Variants in GREB1 observed in about 807,000 individuals in gnomAD.
GREB1 encodes protein GREB1.
GREB1 carries 106 observed loss-of-function variants against 200.7 expected under a neutral mutation model. The ratio of observed to expected loss-of-function variants is 0.53; its 90% CI spans 0.45 to 0.62. The LOEUF is 0.62. Among genes scored for constraint, GREB1 ranks in the 20% least tolerant of loss-of-function variants. GREB1 has a pLI of 0.00. For missense variants in GREB1, 2,243 were observed against 2,556.8 expected (o/e 0.88, Z 2.65); for synonymous variants, 1,132 against 1,092.4 (o/e 1.04, Z -0.72).
At chr2:11,576,291 G>C in intron 4 of GREB1, 62 bp from the exon 5 acceptor site, 1 of 1,369,296 alleles carries the variant, frequency 7.3e-7, no homozygotes, top group Non-Finnish European at 1.0e-6. Flanking sequence ...TAGATGACAA[G>C]AACGAGACTT....
At chr2:11,538,748 TTTCCTTCCTTTC>T (rs1367202190) in intron 1 of GREB1, among the ~76,000 whole-genome samples, 1 of 79,796 alleles carries the variant, frequency 1.3e-5, no homozygotes, top group East Asian at 3.9e-4. Flanking sequence ...CCCTTCCTTC[TTTCCTTCCTTTC>T]TTCCTTCCTT....
At chr2:11,627,813 C>T (rs1684590485) in intron 25 of GREB1, among the ~76,000 whole-genome samples, 1 of 152,226 alleles carries the variant, frequency 6.6e-6, no homozygotes, top group Non-Finnish European at 1.5e-5. Context: ...CTATTTACTT[C>T]ACACTAAAAT....
intron 1 of GREB1, among the ~76,000 whole-genome samples, chr2:11,487,389 C>A (rs1357314074): frequency 6.6e-6 from 1 of 152,196 alleles, no homozygotes; most frequent in Non-Finnish European, 1.5e-5. Context: ...CCCCGTAGGA[C>A]AACGCTTGCT....
chr2:11,631,954 C>A lies in GREB1; in HGVS notation c.4657C>A (p.Arg1553Ser). 1 of 1,614,108 alleles carries A rather than the reference C, an allele frequency of 6.2e-7. No homozygotes were observed. The highest frequency in any genetic ancestry group is 1.1e-5 in the South Asian group (1 of 91,080). Residue 1553 changes from arginine (R) to serine (S), a missense_variant, in exon 27 of 33, where the codon CGT becomes AGT. By Grantham distance (110) the Arg-to-Ser change is moderately radical (BLOSUM62 -1). This residue lies in a region of GREB1 where 478 missense variants were observed against 616.3 expected (regional missense o/e 0.78). Coordinates refer to ENST00000381486, the MANE Select transcript of GREB1 (RefSeq NM_014668.4). Reference protein sequence around the residue: ...KSPTFTPTTGRHEHGLFNLYH... With the variant: ...KSPTFTPTTGSHEHGLFNLYH... The stretch of plus-strand genomic sequence containing the variant: ...TCCGACATTCACTCCAACCACCGGC[C>A]GTCACGAACATGGGCTCTTTAATCT...
At chr2:11,590,771 C>G (rs773093774) in intron 10 of GREB1, among the ~76,000 whole-genome samples, 8 of 152,126 alleles carry the variant, frequency 5.3e-5, no homozygotes, top group Non-Finnish European at 8.8e-5. Flanking sequence ...GCATCTGAAG[C>G]TGAAGTCAAC....
At chr2:11,546,249 T>A (rs1242363150) in intron 1 of GREB1, among the ~76,000 whole-genome samples, 1 of 152,122 alleles carries the variant, frequency 6.6e-6, no homozygotes, top group Non-Finnish European at 1.5e-5. Flanking sequence ...GCCCCCTCCC[T>A]TCATCTGCAA....
chr2:11,620,142 A>C (rs1370833978), intron 22 of GREB1, among the ~76,000 whole-genome samples: 1 of 152,044 alleles, frequency 6.6e-6, no homozygotes, highest in African/African-American at 2.4e-5. Context: ...ATGCCCGGCT[A>C]ATTTTTGTAT....
chr2:11,501,920 T>TTTTTTTTTTTTTTTTTTTTTG (rs1558486277), intron 1 of GREB1, among the ~76,000 whole-genome samples: 1 of 118,026 alleles, frequency 8.5e-6, no homozygotes, highest in Non-Finnish European at 1.8e-5. Flanking sequence ...TTTTTTTTTT[T>TTTTTTTTTTTTTTTTTTTTTG]TTTTTTTTTT....
At chr2:11,563,535 T>G (rs1485649569) in intron 3 of GREB1, among the ~76,000 whole-genome samples, 1 of 152,148 alleles carries the variant, frequency 6.6e-6, no homozygotes, top group Non-Finnish European at 1.5e-5. Context: ...GTCAGTCAAG[T>G]GGGGAGGCCA....
In GREB1 at chr2:11,576,463, T is replaced by A. The variant is rs1044475317; in HGVS notation, c.565T>A (p.Leu189Met). Residue 189 changes from leucine to methionine, a missense_variant, in exon 5 of 33, where the codon TTG becomes ATG. Coordinates refer to ENST00000381486, the MANE Select transcript of GREB1 (RefSeq NM_014668.4). ...LTTQPKKQKH[L>M]KYYLVRNAQG... is the part of the protein sequence containing the mutation. The stretch of plus-strand genomic sequence containing the variant: ...CACTCAACCCAAGAAGCAGAAACAC[T>A]TGAAGTATTACCTGGTCCGTAATGC... 5 of 1,613,904 alleles carry A rather than the reference T, an allele frequency of 3.1e-6. No individual in the cohort carries two copies. In the African/African-American group the frequency reaches 5.3e-5, roughly 17 times the overall value.
At chr2:11,525,598 T>TGGCCAAGAC (rs1673847234) in intron 1 of GREB1, among the ~76,000 whole-genome samples, 1 of 152,158 alleles carries the variant, frequency 6.6e-6, no homozygotes, top group Admixed American at 6.5e-5. Context: ...GGGCCTCAGT[T>TGGCCAAGAC]GGCCAAGACA....
At chr2:11,486,202 A>G (rs549914798) in intron 1 of GREB1, among the ~76,000 whole-genome samples, 1 of 152,290 alleles carries the variant, frequency 6.6e-6, no homozygotes, top group Admixed American at 6.5e-5. Flanking sequence ...TTCCTTCATA[A>G]TGACGCCAGG....
chr2:11,554,665 T>G (rs563942259), intron 1 of GREB1, among the ~76,000 whole-genome samples: 3 of 152,234 alleles, frequency 2.0e-5, no homozygotes, highest in Non-Finnish European at 4.4e-5. Flanking sequence ...ATGTCAAATG[T>G]TACTTTAAAG....
In GREB1 at chr2:11,618,601, G is replaced by C. The variant is rs773298762; in HGVS notation, c.3726G>C (p.Leu1242=). Residue 1242 remains leucine (L), a synonymous_variant, in exon 22 of 33, where the codon CTG becomes CTC. Coordinates refer to ENST00000381486, the MANE Select transcript of GREB1 (RefSeq NM_014668.4). ...SVAPAAGTWV[L]QASQCSLTKA... Reference sequence around the variant, plus strand: ...CGCCCGCTGCCGGCACGTGGGTCCTGCAGGCCTCCCAGTGCTCCTTGACCA... The same window carrying C: ...CGCCCGCTGCCGGCACGTGGGTCCTCCAGGCCTCCCAGTGCTCCTTGACCA... The C allele has an allele frequency of 6.2e-7, 1 of 1,613,182 alleles. No homozygotes were observed. The highest frequency in any genetic ancestry group is 1.7e-5 in the Admixed American group (1 of 60,004).
intron 17 of GREB1, among the ~76,000 whole-genome samples, chr2:11,602,966 G>T (rs7584811): frequency 0.019 from 2,959 of 152,224 alleles, 106 homozygotes; most frequent in African/African-American, 0.067. Flanking sequence ...TTCATTATCT[G>T]ATTTGATCCT....
chr2:11,551,928 T>C (rs1054142808), intron 1 of GREB1, among the ~76,000 whole-genome samples: 16 of 152,278 alleles, frequency 1.1e-4, no homozygotes, highest in African/African-American at 3.6e-4. Flanking sequence ...TTTTGTCACT[T>C]GTCATTTATA....
At chr2:11,508,763 C>T (rs1182137587) in intron 1 of GREB1, among the ~76,000 whole-genome samples, 2 of 152,172 alleles carry the variant, frequency 1.3e-5, no homozygotes, top group African/African-American at 2.4e-5. Context: ...CATTGTTTGC[C>T]AGAATCTCCA....
intron 1 of GREB1, among the ~76,000 whole-genome samples, chr2:11,538,681 CTTTCTTT>C: frequency 1.9e-5 from 1 of 54,020 alleles, no homozygotes; most frequent in East Asian, 6.3e-4. Flanking sequence ...TTCTTTCTTT[CTTTCTTT>C]CCTTCCTCCC....
intron 21 of GREB1, among the ~76,000 whole-genome samples, chr2:11,617,955 C>T (rs1428345313): frequency 6.6e-6 from 1 of 152,166 alleles, no homozygotes; most frequent in Non-Finnish European, 1.5e-5. Context: ...GCCTCTTCAC[C>T]CTCAGCCCAG....
Sources: gnomAD v4.1 joint callset for allele counts (sites outside exome capture counted in the v4.1 genomes callset) on GRCh38, gnomAD v4.1.1 for gene constraint, gnomAD v4.1.1 regional missense constraint, MANE v1.5 for transcripts, NCBI Gene and HGNC (gene_info 2026-07-23, HGNC 2026-07-21) for gene names.